Variants in MYH14 observed in about 807,000 individuals in gnomAD.
MYH14 encodes the protein myosin-14.
MYH14 carries 123 observed loss-of-function variants against 255.5 expected under a neutral mutation model. The observed-to-expected ratio is 0.48, with a 90% CI of 0.42 to 0.56. The LOEUF (loss-of-function observed/expected upper bound fraction) is 0.56, where lower values mean the gene tolerates loss of function less well. MYH14 is among the 20% of genes least tolerant of loss of function. MYH14 has a pLI of 0.00. For missense variants in MYH14, 2,423 were observed against 2,802.3 expected (o/e 0.86, Z 3.06); for synonymous variants, 1,095 against 1,161.2 (o/e 0.94, Z 1.16).
At chr19:50,206,314 TG>T (rs2031748653) in intron 1 of MYH14, among the ~76,000 whole-genome samples, 1 of 151,166 alleles carries the variant, frequency 6.6e-6, no homozygotes, top group Non-Finnish European at 1.5e-5. Flanking sequence ...CTTGGACTCT[TG>T]GCTCCAGGGA....
chr19:50,227,007 C>A, intron 8 of MYH14, 41 bp downstream of exon 8: 1 of 1,598,676 alleles, frequency 6.3e-7, no homozygotes, highest in Non-Finnish European at 8.6e-7. Context: ...CCAAGGGGGG[C>A]AGCCTTTCAG....
chr19:50,293,281 G>C lies in MYH14; in HGVS notation c.5305G>C (p.Asp1769His), dbSNP rs1425037511. 1.2e-6 allele frequency: 2 copies of C among 1,609,808 alleles called. No homozygotes were observed. The highest frequency in any genetic ancestry group is 1.7e-6 in the Non-Finnish European group (2 of 1,178,426). The change falls in exon 38 of 43, where the codon GAT becomes CAT. Residue 1769 changes from aspartate to histidine, a missense_variant. Physicochemically the swap from Asp to His is moderately conservative, Grantham distance 81. This residue lies in a region of MYH14 where 1,513 missense variants were observed against 1,674.8 expected (regional missense o/e 0.90). Transcript: ENST00000642316. The surrounding 1 kb of genome is among the most constrained non-coding windows in gnomAD (Gnocchi z 4.1). Reference protein sequence around the residue: ...RARRQAQQDRDEMADEVANGN... With the variant: ...RARRQAQQDRHEMADEVANGN... ...TCGGCGGCAGGCCCAGCAGGACCGG[G>C]ATGAGATGGCAGATGAGGTGGCCAA...
At chr19:50,290,850 C>T (rs1281017646) in intron 35 of MYH14, 37 bp from the exon 36 acceptor site, 1 of 1,541,778 alleles carries the variant, frequency 6.5e-7, no homozygotes, top group Non-Finnish European at 8.7e-7. Flanking sequence ...GCTGGGCTTC[C>T]TGTGTCTGAC....
intron 35 of MYH14, 88 bp from the exon 36 acceptor site, chr19:50,290,799 G>A (rs2036045230): frequency 7.2e-7 from 1 of 1,382,120 alleles, no homozygotes; most frequent in Non-Finnish European, 9.8e-7. Context: ...CTGGGCAGGA[G>A]CTCCAGGGCA....
rs548574127 is a variant in MYH14, at chr19:50,234,630, G to A, written c.1114+2560G>A. Among the ~76,000 whole-genome samples, 9 of 138,020 alleles carry A rather than the reference G, an allele frequency of 6.5e-5. No homozygotes were observed. In the South Asian group the frequency reaches 1.4e-3, roughly 22 times the overall value. The allele number at this position is 138,020 out of a possible 152,430, so 90.5% of individuals were successfully genotyped here. ...ATAATTCCCCAGCCTGCATGACTCC[G>A]CAGCTGGGCAGCTGGCACACAAATT... is the stretch of plus-strand genomic sequence containing the variant. On this transcript the variant is annotated intron_variant, in intron 10 of 42. Transcript: ENST00000642316.
At position 50,262,823 on chromosome 19, in the gene MYH14, G is replaced by C. The variant is rs12327630; in HGVS notation, c.2586-489G>C. Among the ~76,000 whole-genome samples the C allele has an allele frequency of 2.0e-5, 3 of 151,828 alleles. No homozygotes were observed. In the East Asian group the frequency reaches 5.8e-4, roughly 29 times the overall value. ...CAGAGAGAGTCGGGAGCAGGGGGAC[G>C]AACGGCCAGAACACAGTGAGATCTC... On this transcript the variant is annotated intron_variant, in intron 21 of 42. Transcript: ENST00000642316.
chr19:50,274,219 C>A (rs376859873), intron 27 of MYH14, among the ~76,000 whole-genome samples: 45 of 152,258 alleles, frequency 3.0e-4, no homozygotes, highest in South Asian at 1.0e-3. Flanking sequence ...TAAAAGTAAC[C>A]ATTTTTTAAA....
At chr19:50,249,309 CCT>C in intron 13 of MYH14, 170 bp downstream of exon 13, 1 of 821,828 alleles carries the variant, frequency 1.2e-6, no homozygotes, top group South Asian at 1.9e-5. Context: ...GTCTCTGTCC[CCT>C]GTCTCTGGGT....
At chr19:50,224,043 C>G in intron 5 of MYH14, 111 bp from the exon 6 acceptor site, 1 of 743,048 alleles carries the variant, frequency 1.3e-6, no homozygotes, top group Non-Finnish European at 2.3e-6. Flanking sequence ...CCCCAGTCCC[C>G]CTTCCCCCAC....
At chr19:50,270,413 G>A (rs558770112) in intron 24 of MYH14, among the ~76,000 whole-genome samples, 9 of 151,184 alleles carry the variant, frequency 6.0e-5, no homozygotes, top group African/African-American at 2.2e-4. Context: ...CCAGCTACTC[G>A]AGAGGCTGAG....
intron 5 of MYH14, 67 bp downstream of exon 5, chr19:50,223,416 TC>T: frequency 9.0e-7 from 1 of 1,113,504 alleles, no homozygotes; most frequent in Non-Finnish European, 1.3e-6. Context: ...TCTTGGGCTT[TC>T]CCCACAATTG....
At chr19:50,290,292 C>T (rs2036028440) in intron 35 of MYH14, among the ~76,000 whole-genome samples, 1 of 152,136 alleles carries the variant, frequency 6.6e-6, no homozygotes, top group Non-Finnish European at 1.5e-5. Flanking sequence ...AGTCAGTCAT[C>T]GCTCCCTCGC....
chr19:50,271,337 C>T (rs796134584), intron 24 of MYH14, 72 bp from the exon 25 acceptor site: 141 of 1,511,348 alleles, frequency 9.3e-5, no homozygotes, highest in African/African-American at 9.1e-4. Context: ...CAGCCATCCC[C>T]GCTCCCATCC....
At chr19:50,249,499 G>T in intron 13 of MYH14, 151 bp from the exon 14 acceptor site, 1 of 823,086 alleles carries the variant, frequency 1.2e-6, no homozygotes. Flanking sequence ...CTGGGTCTCT[G>T]TCCCCCTCTC....
Position 50,225,647 on chromosome 19 carries a change from G to A in MYH14, c.780G>A (p.Lys260=), listed in dbSNP as rs1600884165. 5.0e-6 allele frequency: 8 copies of A among 1,613,988 alleles called. No individual in the cohort carries two copies. Among genetic ancestry groups the A allele is most frequent in the Non-Finnish European group, 6.8e-6 (8 of 1,179,962 alleles). ...TCCTAGAGGCCTTTGGCAATGCCAAGACAGTGAAGAATGACAACTCCTCCC... is the reference window on the plus strand; with the variant it reads ...TCCTAGAGGCCTTTGGCAATGCCAAAACAGTGAAGAATGACAACTCCTCCC... ...NPILEAFGNA[K]TVKNDNSSRF... The change falls in exon 7 of 43, where the codon AAG becomes AAA. Residue 260 remains lysine, a synonymous_variant. Transcript: ENST00000642316.
chr19:50,225,042 G>T (rs2033025284), intron 6 of MYH14, among the ~76,000 whole-genome samples: 1 of 152,156 alleles, frequency 6.6e-6, no homozygotes, highest in Admixed American at 6.6e-5. Context: ...GGAATTTGAG[G>T]CTGCTATGAG....
chr19:50,296,917 G>A (rs2036286729), intron 39 of MYH14, among the ~76,000 whole-genome samples: 1 of 152,140 alleles, frequency 6.6e-6, no homozygotes, highest in Non-Finnish European at 1.5e-5. Context: ...AGTTCCCTAG[G>A]GCCACCATAA....
chr19:50,237,261 T>C (rs2033698476), intron 10 of MYH14, among the ~76,000 whole-genome samples: 2 of 151,984 alleles, frequency 1.3e-5, no homozygotes, highest in African/African-American at 2.4e-5. Context: ...GCTCCATCAA[T>C]GATGAACCGG....
At chr19:50,294,879 T>C (rs4802684) in intron 39 of MYH14, among the ~76,000 whole-genome samples, 98,204 of 151,886 alleles carry the variant, frequency 0.65, 34,685 homozygotes, top group East Asian at 0.92. Context: ...TTCTGAGACA[T>C]TGAGTTTATA....
Sources: allele counts gnomAD v4.1 joint callset (sites outside exome capture counted in the v4.1 genomes callset), GRCh38; gene constraint gnomAD v4.1.1; regional missense constraint gnomAD v4.1.1; non-coding constraint Gnocchi (gnomAD v3.1); transcripts MANE v1.5; gene names NCBI Gene and HGNC (gene_info 2026-07-23, HGNC 2026-07-21).